TLL2: variants seen among roughly 807,000 people sequenced by gnomAD.
TLL2 encodes tolloid like 2, also known as tolloid-like protein 2.
TLL2 carries 106 observed loss-of-function variants against 123.0 expected under a neutral mutation model. The ratio of observed to expected loss-of-function variants is 0.86; its 90% CI spans 0.74 to 1.01. The LOEUF (loss-of-function observed/expected upper bound fraction) is 1.01, where lower values mean the gene tolerates loss of function less well. Ranked by LOEUF, TLL2 falls within the 50% of genes least tolerant of loss-of-function variation. TLL2 has a pLI of 0.00. For missense variants in TLL2, 1,332 were observed against 1,336.7 expected, an observed-to-expected ratio of 1.00 and a Z score of 0.06; for synonymous variants, 494 against 516.8, an observed-to-expected ratio of 0.96 and a Z score of 0.60.
chr10:96,471,120 C>G (rs1847178220), intron 2 of TLL2, among the ~76,000 whole-genome samples: 1 of 152,148 alleles, frequency 6.6e-6, no homozygotes, highest in Non-Finnish European at 1.5e-5. Context: ...CCTGCCTCAG[C>G]CCCCTGAGTA....
intron 1 of TLL2, among the ~76,000 whole-genome samples, chr10:96,507,256 G>A (rs779852671): frequency 6.6e-6 from 1 of 150,598 alleles, no homozygotes; most frequent in East Asian, 2.0e-4. Context: ...AGCTGTGCCA[G>A]CCAGCCAACT....
rs766016596 is a variant in TLL2, at chr10:96,373,691, G to C, written c.2567C>G (p.Pro856Arg). ...ILGRFCGSKKPDPTVASGSSM... is the reference protein window; with the variant it reads ...ILGRFCGSKKRDPTVASGSSM... ...GCTGCCGGAAGCCACCGTGGGGTCT[G>C]GTTTCTTGCTGCCGCAGAAACGGCC... Residue 856 changes from proline to arginine, a missense_variant, in exon 19 of 21, where the codon CCA (proline) becomes CGA (arginine). Transcript: ENST00000357947. The C allele has an allele frequency of 3.1e-6, 5 of 1,614,148 alleles. No individual in the cohort carries two copies. In the African/African-American group the frequency reaches 5.3e-5, roughly 17 times the overall value.
chr10:96,386,935 G>A lies in TLL2; in HGVS notation c.1852+18C>T, dbSNP rs138187841. On this transcript the variant is annotated intron_variant, in intron 14 of 20. Coordinates refer to ENST00000357947, the MANE Select transcript of TLL2 (RefSeq NM_012465.4). ...CCCATATACCCTCTCATTCTAGCTT[G>A]GCAGGTCCCACACCAACCTTCACAC... 9.3e-6 allele frequency: 15 copies of A among 1,613,540 alleles called. No individual in the cohort carries two copies. Among genetic ancestry groups the A allele is most frequent in the African/African-American group, 1.3e-5 (1 of 74,894 alleles).
intron 3 of TLL2, 122 bp downstream of exon 3, chr10:96,445,969 T>C: frequency 4.1e-6 from 4 of 980,182 alleles, no homozygotes; most frequent in South Asian, 2.9e-5. Context: ...TTACATAGCA[T>C]TGTGAATGTA....
intron 2 of TLL2, among the ~76,000 whole-genome samples, chr10:96,447,664 C>T (rs948480027): frequency 6.6e-6 from 1 of 152,294 alleles, no homozygotes; most frequent in African/African-American, 2.4e-5. Flanking sequence ...GAGACTATTA[C>T]ACACACGAAA....
At chr10:96,425,616 A>AT (rs1478113892) in intron 5 of TLL2, among the ~76,000 whole-genome samples, 1 of 151,388 alleles carries the variant, frequency 6.6e-6, no homozygotes, top group Non-Finnish European at 1.5e-5. Context: ...TAAAGTTGTG[A>AT]TTTTTTCCCA....
Position 96,476,248 on chromosome 10 carries a change from T to TTTTTGTTGTTGTTG in TLL2, c.286+4100_286+4101insCAACAACAACAAAA, listed in dbSNP as rs1285354320. The stretch of plus-strand genomic sequence containing the variant: ...TATATATATATATATATATTTTATT[T>TTTTTGTTGTTGTTG]TTGTTGTTGTTGTTGTTGTTGAGAC... On this transcript the variant is annotated intron_variant, in intron 2 of 20. Coordinates refer to ENST00000357947, the MANE Select transcript of TLL2 (RefSeq NM_012465.4). Among the ~76,000 whole-genome samples, 112 of 69,242 alleles carry TTTTTGTTGTTGTTG rather than the reference T, an allele frequency of 1.6e-3. 5 individuals are homozygous for TTTTTGTTGTTGTTG. The highest frequency in any genetic ancestry group is 6.5e-3 in the African/African-American group (105 of 16,072). The allele number at this position is 69,242 out of a possible 152,430, so 45.4% of individuals were successfully genotyped here.
chr10:96,403,183 G>C (rs1846412045), intron 10 of TLL2, among the ~76,000 whole-genome samples: 1 of 152,128 alleles, frequency 6.6e-6, no homozygotes, highest in African/African-American at 2.4e-5. Context: ...TTCCTGGGCT[G>C]AATGAGTCCT....
At chr10:96,488,129 A>G (rs567236458) in intron 1 of TLL2, among the ~76,000 whole-genome samples, 1 of 152,352 alleles carries the variant, frequency 6.6e-6, no homozygotes, top group East Asian at 1.9e-4. Flanking sequence ...ATGCGGATCC[A>G]TGCTCAGCAC....
At chr10:96,482,105 A>G (rs1198345410) in intron 1 of TLL2, among the ~76,000 whole-genome samples, 1 of 152,118 alleles carries the variant, frequency 6.6e-6, no homozygotes, top group Non-Finnish European at 1.5e-5. Context: ...AAAATAGAAA[A>G]AAATTAGCTG....
At chr10:96,458,106 A>G (rs4917738) in intron 2 of TLL2, among the ~76,000 whole-genome samples, 149,133 of 152,132 alleles carry the variant, frequency 0.98, 73,161 homozygotes, top group Middle Eastern at 1. Flanking sequence ...TGTAGGATGT[A>G]AGGCCAGCAG....
intron 13 of TLL2, among the ~76,000 whole-genome samples, chr10:96,390,976 A>G (rs1208886212): frequency 6.6e-6 from 1 of 152,254 alleles, no homozygotes; most frequent in Non-Finnish European, 1.5e-5. Flanking sequence ...CAATAAATAA[A>G]AATATCATTG....
intron 4 of TLL2, among the ~76,000 whole-genome samples, chr10:96,429,707 A>G (rs1356853012): frequency 6.6e-6 from 1 of 152,158 alleles, no homozygotes; most frequent in Non-Finnish European, 1.5e-5. Context: ...GCTCCCATGC[A>G]CTTTAAAATT....
intron 19 of TLL2, among the ~76,000 whole-genome samples, chr10:96,371,907 T>C (rs1454570317): frequency 2.0e-5 from 3 of 152,284 alleles, no homozygotes; most frequent in African/African-American, 7.2e-5. Flanking sequence ...CTGCATGCAG[T>C]CCTCTCTGTC....
At chr10:96,476,240 A>ATATATATATATATATATATATAT in intron 2 of TLL2, among the ~76,000 whole-genome samples, 3 of 20,496 alleles carry the variant, frequency 1.5e-4, no homozygotes, top group Admixed American at 5.2e-4. Flanking sequence ...ATATATATAT[A>ATATATATATATATATATATATAT]TTTTATTTTT....
intron 10 of TLL2, among the ~76,000 whole-genome samples, chr10:96,402,078 T>A (rs1230942641): frequency 6.6e-6 from 1 of 152,210 alleles, no homozygotes; most frequent in African/African-American, 2.4e-5. Context: ...GTGACTGTAA[T>A]GTCTCTGCCA....
At chr10:96,373,549 C>T (rs1233878241) in intron 19 of TLL2, 47 bp downstream of exon 19, 1 of 1,570,906 alleles carries the variant, frequency 6.4e-7, no homozygotes, top group East Asian at 2.2e-5. Flanking sequence ...TCTCTGTCTC[C>T]TGTCCAAGTG....
intron 2 of TLL2, among the ~76,000 whole-genome samples, chr10:96,456,533 C>T (rs1847017760): frequency 6.6e-6 from 1 of 152,226 alleles, no homozygotes; most frequent in African/African-American, 2.4e-5. Context: ...GCCCTAAGGG[C>T]ACTGACAGTC....
intron 7 of TLL2, among the ~76,000 whole-genome samples, chr10:96,416,750 C>T (rs1387878951): frequency 1.3e-5 from 2 of 152,232 alleles, no homozygotes; most frequent in Admixed American, 6.5e-5. Context: ...GCAAGAGCTT[C>T]CAGCTGTTTA....
Sources: allele counts gnomAD v4.1 joint callset (sites outside exome capture counted in the v4.1 genomes callset), GRCh38; gene constraint gnomAD v4.1.1; transcripts MANE v1.5; gene names NCBI Gene and HGNC (gene_info 2026-07-23, HGNC 2026-07-21).